Variants in KIRREL1 observed in about 807,000 individuals in gnomAD.
KIRREL1 encodes kirre like nephrin family adhesion molecule 1, also known as kin of IRRE-like protein 1.
Under a neutral mutation model 83.3 loss-of-function variants are expected in KIRREL1, and 25 were observed. The ratio of observed to expected loss-of-function variants is 0.30; its 90% CI spans 0.22 to 0.42. KIRREL1 has a LOEUF of 0.42. KIRREL1 is among the 10% of genes least tolerant of loss of function. The pLI is 1.00. For missense variants in KIRREL1, 812 were observed against 1,032.3 expected (o/e 0.79, Z 2.92); for synonymous variants, 388 against 410.4 (o/e 0.95, Z 0.66).
At position 158,096,964 on chromosome 1, in the gene KIRREL1, G is replaced by A. The variant is rs1395907614; in HGVS notation, c.*1844G>A. Reference sequence around the variant, plus strand: ...CATTACCACCCTTATGGATGGGTCTGGGGGGCGACATTCCTGGCCAACCCC... The same window carrying A: ...CATTACCACCCTTATGGATGGGTCTAGGGGGCGACATTCCTGGCCAACCCC... On this transcript the variant is annotated 3_prime_UTR_variant, in exon 15 of 15. Transcript: ENST00000359209. 1 of 456,610 alleles carries A rather than the reference G, an allele frequency of 2.2e-6. No individual in the cohort carries two copies. The highest frequency in any genetic ancestry group is 4.4e-6 in the Non-Finnish European group (1 of 227,010). 28.3% of individuals were successfully genotyped at this position (456,610 alleles called of 1,614,324 possible). A position where few individuals can be genotyped will look rare whatever the true frequency, so the allele number is the denominator to read the frequency against.
chr1:157,994,347 AGT>A (rs2101610023), intron 1 of KIRREL1, among the ~76,000 whole-genome samples: 1 of 122,958 alleles, frequency 8.1e-6, no homozygotes, highest in African/African-American at 3.1e-5. Context: ...CTGGGTGGAG[AGT>A]GGAGTTCCAC....
In KIRREL1 at chr1:158,094,756, C is replaced by A; in HGVS notation, c.1910C>A (p.Pro637His). 1 of 1,613,920 alleles carries A rather than the reference C, an allele frequency of 6.2e-7. No individual in the cohort carries two copies. The highest frequency in any genetic ancestry group is 8.5e-7 in the Non-Finnish European group (1 of 1,179,990). The change falls in exon 15 of 15, where the codon CCC (proline) becomes CAC (histidine). Residue 637 changes from proline to histidine, a missense_variant. Around this residue, in one of 3 missense-constraint regions of KIRREL1, gnomAD observed 334 missense variants for 383.7 expected, o/e 0.87. Coordinates refer to ENST00000359209, the MANE Select transcript of KIRREL1 (RefSeq NM_018240.7). The surrounding 1 kb of genome is among the most constrained non-coding windows in gnomAD (Gnocchi z 4.6). ...GGCCCTGCCCGCTTCGACGGCCGCC[C>A]CTCATCCCGTCTCTCCCACTCCAGC... ...APGPARFDGRPSSRLSHSSGY... is the reference protein window; with the variant it reads ...APGPARFDGRHSSRLSHSSGY...
At chr1:158,012,751 C>T (rs1281473763) in intron 1 of KIRREL1, among the ~76,000 whole-genome samples, 1 of 152,244 alleles carries the variant, frequency 6.6e-6, no homozygotes, top group African/African-American at 2.4e-5. Context: ...CCTTCTTTGT[C>T]TCAGCCTCCC....
rs114250888 is a variant in KIRREL1, at chr1:158,047,646, G to A, written c.53-28467G>A. On this transcript the variant is annotated intron_variant, in intron 1 of 14. Transcript: ENST00000359209. ...CCCCACAGCCTGCCAGGATCATTCT[G>A]TTGTCCCTGTTTTCTAGTTGGGTTA... Among the ~76,000 whole-genome samples, 60 of 152,232 alleles carry A rather than the reference G, an allele frequency of 3.9e-4. 1 individual carries two copies. The highest frequency in any genetic ancestry group is 6.8e-3 in the Middle Eastern group (2 of 294).
At chr1:158,020,600 C>CAAAAAAAAAAAAAAAAAAAA (rs370156588) in intron 1 of KIRREL1, among the ~76,000 whole-genome samples, 1 of 83,658 alleles carries the variant, frequency 1.2e-5, no homozygotes, top group Non-Finnish European at 2.1e-5. Context: ...TACAGTAAAT[C>CAAAAAAAAAAAAAAAAAAAA]AAAAAAAAAA....
At position 158,095,173 on chromosome 1, in the gene KIRREL1, A is replaced by G; in HGVS notation, c.*53A>G. 1 of 1,281,680 alleles carries G rather than the reference A, an allele frequency of 7.8e-7. No individual in the cohort carries two copies. Among genetic ancestry groups the G allele is most frequent in the Non-Finnish European group, 1.1e-6 (1 of 923,968 alleles). 79.4% of individuals were successfully genotyped at this position (1,281,680 alleles called of 1,614,324 possible). A position where few individuals can be genotyped will look rare whatever the true frequency, so the allele number is the denominator to read the frequency against. On this transcript the variant is annotated 3_prime_UTR_variant, in exon 15 of 15. Transcript: ENST00000359209. ...GCGGGGCAGAGGAGAAGGCTTTCAC[A>G]GCTGTTCCCTGATATTCAGGGGCAT...
chr1:158,048,526 T>C (rs1660832475), intron 1 of KIRREL1, among the ~76,000 whole-genome samples: 1 of 152,168 alleles, frequency 6.6e-6, no homozygotes, highest in African/African-American at 2.4e-5. Flanking sequence ...GATCTAGTCC[T>C]TGCCCACAGT....
At chr1:158,051,742 C>T (rs1387582554) in intron 1 of KIRREL1, among the ~76,000 whole-genome samples, 1 of 152,164 alleles carries the variant, frequency 6.6e-6, no homozygotes, top group Admixed American at 6.5e-5. Flanking sequence ...GAAGTTCATA[C>T]TCCTTGGAAT....
At chr1:158,061,526 C>T (rs1661215373) in intron 1 of KIRREL1, among the ~76,000 whole-genome samples, 1 of 152,166 alleles carries the variant, frequency 6.6e-6, no homozygotes, top group South Asian at 2.1e-4. Flanking sequence ...GGGGTATCCT[C>T]TTTGCCACAG....
chr1:158,062,613 G>A (rs1319097347), intron 1 of KIRREL1, among the ~76,000 whole-genome samples: 2 of 152,226 alleles, frequency 1.3e-5, no homozygotes, highest in Non-Finnish European at 2.9e-5. Context: ...CTCCCTTTTG[G>A]TGGCTGTATA....
rs550113913 is a variant in KIRREL1, at chr1:158,027,484, G to T, written c.52+33756G>T. 2.3e-4 allele frequency among the ~76,000 whole-genome samples: 35 copies of T among 152,292 alleles called. 1 individual carries two copies. The highest frequency in any genetic ancestry group is 7.8e-4 in the Admixed American group (12 of 15,304). ...GCCCCTCTTCCCTCCCTAGAGGTTG[G>T]GGTATGGAGCTGAAGGTTTCAACCC... On this transcript the variant is annotated intron_variant, in intron 1 of 14. Transcript: ENST00000359209.
chr1:158,032,864 G>A (rs779348342), intron 1 of KIRREL1, among the ~76,000 whole-genome samples: 6 of 151,966 alleles, frequency 3.9e-5, no homozygotes, highest in South Asian at 2.1e-4. Flanking sequence ...TCCACTTCCC[G>A]CGTTCAAGCA....
At chr1:158,011,038 T>C (rs995699905) in intron 1 of KIRREL1, among the ~76,000 whole-genome samples, 5 of 152,142 alleles carry the variant, frequency 3.3e-5, no homozygotes, top group Admixed American at 6.5e-5. Flanking sequence ...CAGGGCCCTC[T>C]ACTTGGAGCG....
rs760184835 is a variant in KIRREL1 at position 158,026,449 on chromosome 1, G to A, written c.52+32721G>A. Among the ~76,000 whole-genome samples the A allele has an allele frequency of 2.6e-4, 40 of 152,296 alleles. No individual in the cohort carries two copies. The South Asian group carries it at 3.9e-3, about 15-fold the overall frequency. The stretch of plus-strand genomic sequence containing the variant: ...AACCTAATGAGAACATGCAGGAGAT[G>A]GGGACAGCATACTTAGAGAAATACA... On this transcript the variant is annotated intron_variant, in intron 1 of 14. Coordinates refer to ENST00000359209, the MANE Select transcript of KIRREL1 (RefSeq NM_018240.7).
At chr1:158,008,542 G>A (rs1659584503) in intron 1 of KIRREL1, among the ~76,000 whole-genome samples, 1 of 152,134 alleles carries the variant, frequency 6.6e-6, no homozygotes, top group Non-Finnish European at 1.5e-5. Flanking sequence ...GGGAAAGGAA[G>A]GGCAGGGCCA....
chr1:158,076,651 C>A (rs1054207903), intron 2 of KIRREL1, among the ~76,000 whole-genome samples: 1 of 152,110 alleles, frequency 6.6e-6, no homozygotes, highest in African/African-American at 2.4e-5. Flanking sequence ...TTCTGTGTCC[C>A]GCAAGTGTCT....
chr1:158,019,281 G>A (rs1224431047), intron 1 of KIRREL1, among the ~76,000 whole-genome samples: 1 of 152,158 alleles, frequency 6.6e-6, no homozygotes, highest in Non-Finnish European at 1.5e-5. Context: ...CTCCTGTGAT[G>A]TTAGAGGAAG....
At chr1:158,000,595 G>C (rs1436300883) in intron 1 of KIRREL1, among the ~76,000 whole-genome samples, 2 of 152,158 alleles carry the variant, frequency 1.3e-5, no homozygotes, top group South Asian at 4.1e-4. Context: ...GCTGTAGCTC[G>C]CAGACATCAC....
intron 2 of KIRREL1, among the ~76,000 whole-genome samples, chr1:158,076,621 T>C (rs1661689331): frequency 1.3e-5 from 2 of 152,126 alleles, no homozygotes; most frequent in African/African-American, 4.8e-5. Flanking sequence ...GCAGCAAGGG[T>C]AGGAGAGGGC....
Sources: gnomAD v4.1 joint callset for allele counts (sites outside exome capture counted in the v4.1 genomes callset) on GRCh38, gnomAD v4.1.1 for gene constraint, gnomAD v4.1.1 regional missense constraint, Gnocchi (gnomAD v3.1) non-coding constraint, MANE v1.5 for transcripts, NCBI Gene and HGNC (gene_info 2026-07-23, HGNC 2026-07-21) for gene names.